The following MYRIP variants were observed in gnomAD, a reference collection of about 807,000 sequenced individuals.
MYRIP encodes the protein rab effector MyRIP.
In MYRIP, 49 loss-of-function variants were observed where a neutral mutation model predicts 98.0. The ratio of observed to expected loss-of-function variants is 0.50; its 90% CI spans 0.40 to 0.63. The LOEUF (loss-of-function observed/expected upper bound fraction) is 0.63, where lower values mean the gene tolerates loss of function less well. Among genes scored for constraint, MYRIP ranks in the 30% least tolerant of loss-of-function variants. MYRIP has a pLI of 0.00. For missense variants in MYRIP, 1,004 were observed against 1,058.2 expected (o/e 0.95, Z 0.71); for synonymous variants, 404 against 409.5 (o/e 0.99, Z 0.16).
intron 1 of MYRIP, among the ~76,000 whole-genome samples, chr3:39,861,586 C>T (rs946194675): frequency 6.6e-6 from 1 of 151,978 alleles, no homozygotes; most frequent in Non-Finnish European, 1.5e-5. Context: ...TCCAAGGATG[C>T]TATTGAATTC....
intron 2 of MYRIP, among the ~76,000 whole-genome samples, chr3:39,911,587 G>A (rs1374538790): frequency 6.6e-6 from 1 of 152,174 alleles, no homozygotes; most frequent in Non-Finnish European, 1.5e-5. Flanking sequence ...CATTACATGT[G>A]CATAGAATTC....
intron 2 of MYRIP, among the ~76,000 whole-genome samples, chr3:40,000,424 C>T (rs1212583206): frequency 6.6e-6 from 1 of 152,148 alleles, no homozygotes; most frequent in Non-Finnish European, 1.5e-5. Flanking sequence ...AAAGGTTCCT[C>T]CCCATGTCAT....
At chr3:39,941,143 T>C (rs983357297) in intron 2 of MYRIP, among the ~76,000 whole-genome samples, 2 of 151,924 alleles carry the variant, frequency 1.3e-5, no homozygotes, top group Admixed American at 6.6e-5. Flanking sequence ...AAGTACCTGG[T>C]GGGTAATTTA....
At chr3:40,184,885 T>C (rs894484939) in intron 9 of MYRIP, among the ~76,000 whole-genome samples, 3 of 152,192 alleles carry the variant, frequency 2.0e-5, no homozygotes, top group African/African-American at 7.2e-5. Flanking sequence ...CAAAACTCTA[T>C]GCATCTCTCA....
intron 2 of MYRIP, among the ~76,000 whole-genome samples, chr3:40,033,146 C>T (rs1408316859): frequency 2.0e-5 from 3 of 148,606 alleles, no homozygotes; most frequent in South Asian, 2.1e-4. Flanking sequence ...AGCATTCCCT[C>T]TGAAAACTGG....
chr3:40,072,382 G>T (rs1323612025), intron 3 of MYRIP, among the ~76,000 whole-genome samples: 3 of 151,748 alleles, frequency 2.0e-5, no homozygotes, highest in Non-Finnish European at 2.9e-5. Context: ...CTAATTTTTT[G>T]TATTTTAGTA....
intron 1 of MYRIP, among the ~76,000 whole-genome samples, chr3:39,889,918 C>T (rs1330348649): frequency 1.3e-5 from 2 of 152,058 alleles, no homozygotes; most frequent in Non-Finnish European, 2.9e-5. Flanking sequence ...GCCTTACAAT[C>T]CACACCAGGA....
At chr3:40,235,819 G>A (rs1281945715) in intron 12 of MYRIP, among the ~76,000 whole-genome samples, 1 of 152,202 alleles carries the variant, frequency 6.6e-6, no homozygotes, top group Non-Finnish European at 1.5e-5. Context: ...TGGAAAGGAG[G>A]AAGGGGATGA....
intron 2 of MYRIP, among the ~76,000 whole-genome samples, chr3:39,971,280 T>G (rs1258935663): frequency 6.6e-6 from 1 of 151,986 alleles, no homozygotes; most frequent in African/African-American, 2.4e-5. Flanking sequence ...TTTTGTAAAT[T>G]TATGTCCTGA....
intron 3 of MYRIP, among the ~76,000 whole-genome samples, chr3:40,085,942 C>G (rs142156393): frequency 2.0e-5 from 3 of 152,194 alleles, no homozygotes; most frequent in African/African-American, 7.2e-5. Context: ...TCATACTTCA[C>G]TCAAAGTGGA....
intron 12 of MYRIP, among the ~76,000 whole-genome samples, chr3:40,241,589 G>A (rs1341429968): frequency 6.6e-6 from 1 of 152,152 alleles, no homozygotes. Context: ...GTGAAGACCT[G>A]CAGTAAAGAA....
At chr3:39,853,959 T>C (rs1362321361) in intron 1 of MYRIP, among the ~76,000 whole-genome samples, 1 of 152,206 alleles carries the variant, frequency 6.6e-6, no homozygotes, top group African/African-American at 2.4e-5. Context: ...CCAGTTTTAC[T>C]CTTCTCCATG....
intron 3 of MYRIP, among the ~76,000 whole-genome samples, chr3:40,099,204 T>C (rs1948892425): frequency 1.3e-5 from 2 of 152,236 alleles, no homozygotes; most frequent in East Asian, 1.9e-4. Flanking sequence ...TTCAAGAAAG[T>C]GTCTGGATTT....
chr3:39,981,203 G>T (rs962315798), intron 2 of MYRIP, among the ~76,000 whole-genome samples: 19 of 152,100 alleles, frequency 1.2e-4, no homozygotes, highest in South Asian at 4.2e-4. Context: ...TTTGAAATTG[G>T]CCCAGAGTTA....
intron 13 of MYRIP, among the ~76,000 whole-genome samples, chr3:40,245,740 T>A (rs1287480909): frequency 1.2e-5 from 1 of 84,120 alleles, no homozygotes; most frequent in African/African-American, 5.8e-5. Context: ...AGACCCCTGG[T>A]TTGCTGATTT....
At chr3:39,915,869 CTTTTA>C (rs772773016) in intron 2 of MYRIP, among the ~76,000 whole-genome samples, 53 of 151,944 alleles carry the variant, frequency 3.5e-4, no homozygotes, top group Non-Finnish European at 5.0e-4. Flanking sequence ...AAAATATTTT[CTTTTA>C]TAAGTTCCCA....
At chr3:40,005,098 G>T (rs1946604531) in intron 2 of MYRIP, among the ~76,000 whole-genome samples, 1 of 152,168 alleles carries the variant, frequency 6.6e-6, no homozygotes, top group South Asian at 2.1e-4. Context: ...TGCTGCAAAG[G>T]AAGTGATTTA....
chr3:40,128,136 G>A (rs754235981), intron 3 of MYRIP, among the ~76,000 whole-genome samples: 22 of 152,144 alleles, frequency 1.4e-4, no homozygotes, highest in African/African-American at 2.7e-4. Context: ...GAAGGCACCC[G>A]GTTCAAGAGG....
intron 11 of MYRIP, chr3:40,233,188 T>C (rs925525420): frequency 3.9e-5 from 6 of 152,250 alleles, no homozygotes; most frequent in East Asian, 1.9e-4. Flanking sequence ...CTAGTCAAGA[T>C]TGTGTCATAT....
Sources: allele counts gnomAD v4.1 joint callset (sites outside exome capture counted in the v4.1 genomes callset), GRCh38; gene constraint gnomAD v4.1.1; transcripts MANE v1.5; gene names NCBI Gene and HGNC (gene_info 2026-07-23, HGNC 2026-07-21).